The following GRIA1 variants were observed in gnomAD, a reference collection of about 807,000 sequenced individuals.
GRIA1 encodes the protein glutamate receptor 1.
In GRIA1, 31 loss-of-function variants were observed where a neutral mutation model predicts 99.2. The observed-to-expected ratio is 0.31, with a 90% CI of 0.23 to 0.42. The LOEUF (loss-of-function observed/expected upper bound fraction) is 0.42, where lower values mean the gene tolerates loss of function less well. Among genes scored for constraint, GRIA1 ranks in the 10% least tolerant of loss-of-function variants. The pLI, the probability that GRIA1 is intolerant of heterozygous loss-of-function variation, is 1.00. For missense variants in GRIA1, 782 were observed against 1,157.5 expected (o/e 0.68, Z 4.71); for synonymous variants, 438 against 432.4 (o/e 1.01, Z -0.16).
In GRIA1 at chr5:153,802,540, T is replaced by G. The variant is rs371844806; in HGVS notation, c.2520+50T>G. The G allele has an allele frequency of 5.0e-6, 8 of 1,592,304 alleles. No individual in the cohort carries two copies. The African/African-American group carries it at 9.4e-5, about 19-fold the overall frequency. The stretch of plus-strand genomic sequence containing the variant: ...TTCCTAACCTGTTCTGTGATGCAGC[T>G]GGGTTTCCTGGGAGTCCCTTTGCTA... On this transcript the variant is annotated intron_variant, in intron 15 of 15. Transcript: ENST00000285900.
intron 14 of GRIA1, chr5:153,795,667 G>C: frequency 9.0e-6 from 7 of 782,084 alleles, no homozygotes; most frequent in Non-Finnish European, 1.5e-5. Context: ...CCGAGCCTCA[G>C]AGAGGCTTGG....
chr5:153,531,749 T>TA (rs1758113927), intron 2 of GRIA1, among the ~76,000 whole-genome samples: 1 of 152,156 alleles, frequency 6.6e-6, no homozygotes, highest in African/African-American at 2.4e-5. Context: ...GTCACAATGA[T>TA]AAAAATAGTA....
At chr5:153,756,723 A>T (rs1417568852) in intron 11 of GRIA1, among the ~76,000 whole-genome samples, 1 of 152,104 alleles carries the variant, frequency 6.6e-6, no homozygotes, top group Admixed American at 6.6e-5. Flanking sequence ...AGAGAACCCT[A>T]GATTAGGATA....
chr5:153,798,167 G>A (rs531141089), intron 14 of GRIA1, among the ~76,000 whole-genome samples: 1 of 152,290 alleles, frequency 6.6e-6, no homozygotes, highest in South Asian at 2.1e-4. Flanking sequence ...TTTGACAGCT[G>A]TTTATTTAAA....
At chr5:153,679,736 G>T (rs1756842329) in intron 7 of GRIA1, among the ~76,000 whole-genome samples, 1 of 152,224 alleles carries the variant, frequency 6.6e-6, no homozygotes, top group African/African-American at 2.4e-5. Context: ...TGGAGGCTCA[G>T]GTCTCTACTG....
At chr5:153,648,152 T>C (rs1754295531) in intron 3 of GRIA1, among the ~76,000 whole-genome samples, 1 of 152,166 alleles carries the variant, frequency 6.6e-6, no homozygotes, top group African/African-American at 2.4e-5. Context: ...GTGAAAGTGA[T>C]TTTTCAGGCA....
chr5:153,750,099 T>C (rs1019976828), intron 11 of GRIA1, among the ~76,000 whole-genome samples: 1 of 152,070 alleles, frequency 6.6e-6, no homozygotes, highest in Non-Finnish European at 1.5e-5. Flanking sequence ...TTGCAGCTGG[T>C]GACAAATGGG....
chr5:153,811,770 A>G lies in GRIA1; in HGVS notation c.*545A>G, dbSNP rs1024449919. ...AAAGCAACCTTCAAACTAATTCTCC[A>G]TGGGGGCTCTCCATGTTACCCTCCA... On this transcript the variant is annotated 3_prime_UTR_variant, in exon 16 of 16. Transcript: ENST00000285900. The G allele has an allele frequency of 1.9e-5, 3 of 154,604 alleles. No homozygotes were observed. Among genetic ancestry groups the G allele is most frequent in the Admixed American group, 6.3e-5 (1 of 15,774 alleles). 9.6% of individuals were successfully genotyped at this position (154,604 alleles called of 1,614,324 possible).
intron 13 of GRIA1, among the ~76,000 whole-genome samples, chr5:153,777,151 C>A (rs1764309400): frequency 6.6e-6 from 1 of 152,076 alleles, no homozygotes; most frequent in Non-Finnish European, 1.5e-5. Flanking sequence ...TTTTGCAGAT[C>A]CAGGAATGTG....
At chr5:153,708,391 C>T (rs910055711) in intron 11 of GRIA1, among the ~76,000 whole-genome samples, 2 of 152,114 alleles carry the variant, frequency 1.3e-5, no homozygotes, top group African/African-American at 4.8e-5. Flanking sequence ...TTCCGGACTT[C>T]TGAGGGTTCC....
At position 153,598,470 on chromosome 5, in the gene GRIA1, A is replaced by G. The variant is rs192855625; in HGVS notation, c.221-48458A>G. On this transcript the variant is annotated intron_variant, in intron 2 of 15. Transcript: ENST00000285900. The stretch of plus-strand genomic sequence containing the variant: ...TTTGCAGTTACACAGGGGAAAAAGT[A>G]AGAAAAATATAATAGATAAGGTGGA... 1.7e-3 allele frequency among the ~76,000 whole-genome samples: 265 copies of G among 152,310 alleles called. 1 individual carries two copies. The highest frequency in any genetic ancestry group is 0.015 in the East Asian group (77 of 5,184).
At chr5:153,560,595 G>A (rs1247040285) in intron 2 of GRIA1, among the ~76,000 whole-genome samples, 1 of 152,200 alleles carries the variant, frequency 6.6e-6, no homozygotes, top group East Asian at 1.9e-4. Context: ...TTTCTTGCCT[G>A]CCACCATGTA....
At chr5:153,719,878 T>C (rs1759933872) in intron 11 of GRIA1, among the ~76,000 whole-genome samples, 2 of 152,162 alleles carry the variant, frequency 1.3e-5, no homozygotes, top group Admixed American at 6.5e-5. Context: ...GAATAAGGTA[T>C]TTAAAGGGCT....
At chr5:153,774,730 T>G (rs958401549) in intron 13 of GRIA1, among the ~76,000 whole-genome samples, 2 of 152,318 alleles carry the variant, frequency 1.3e-5, no homozygotes, top group South Asian at 2.1e-4. Flanking sequence ...CCAGTTATGC[T>G]TCAGAAGATC....
intron 2 of GRIA1, among the ~76,000 whole-genome samples, chr5:153,606,504 A>G (rs1048579837): frequency 3.3e-5 from 5 of 152,086 alleles, no homozygotes; most frequent in African/African-American, 1.2e-4. Context: ...ATATCTTTAC[A>G]ATATTGAGTC....
At chr5:153,686,680 G>A (rs1757362336) in intron 8 of GRIA1, among the ~76,000 whole-genome samples, 1 of 152,174 alleles carries the variant, frequency 6.6e-6, no homozygotes, top group Non-Finnish European at 1.5e-5. Context: ...CTAAGAACTT[G>A]AGAATGATGA....
intron 2 of GRIA1, among the ~76,000 whole-genome samples, chr5:153,561,888 T>G (rs1302898178): frequency 6.6e-6 from 1 of 152,146 alleles, no homozygotes; most frequent in African/African-American, 2.4e-5. Flanking sequence ...AAACTTGAAC[T>G]TGAAAGGAGA....
intron 8 of GRIA1, among the ~76,000 whole-genome samples, chr5:153,688,091 C>A (rs11951557): frequency 6.6e-6 from 1 of 152,028 alleles, no homozygotes; most frequent in Non-Finnish European, 1.5e-5. Context: ...AGCAATGTTA[C>A]CTCTCTCTGA....
chr5:153,618,126 G>A (rs1304735294), intron 2 of GRIA1, among the ~76,000 whole-genome samples: 3 of 152,158 alleles, frequency 2.0e-5, no homozygotes, highest in African/African-American at 4.8e-5. Context: ...TTAATTTGAC[G>A]AAGGTGGAAA....
Sources: allele counts gnomAD v4.1 joint callset (sites outside exome capture counted in the v4.1 genomes callset), GRCh38; gene constraint gnomAD v4.1.1; transcripts MANE v1.5; gene names NCBI Gene and HGNC (gene_info 2026-07-23, HGNC 2026-07-21).